The following MTMR12 variants were observed in gnomAD, a reference collection of about 807,000 sequenced individuals.
MTMR12 encodes the protein myotubularin-related protein 12.
A neutral mutation model predicts 96.7 loss-of-function variants in MTMR12; 33 were observed. The observed-to-expected ratio is 0.34, with a 90% CI of 0.26 to 0.46. MTMR12 has a LOEUF of 0.46. MTMR12 is among the 20% of genes least tolerant of loss of function. The pLI, the probability that MTMR12 is intolerant of heterozygous loss-of-function variation, is 1.00. For missense variants in MTMR12, 721 were observed against 896.1 expected (o/e 0.80, Z 2.49); for synonymous variants, 298 against 327.2 (o/e 0.91, Z 0.96).
chr5:32,282,059 G>T (rs1411202664), intron 1 of MTMR12, among the ~76,000 whole-genome samples: 1 of 152,014 alleles, frequency 6.6e-6, no homozygotes, highest in Non-Finnish European at 1.5e-5. Context: ...TGGAGCACTG[G>T]AATTTAAGGT....
intron 7 of MTMR12, among the ~76,000 whole-genome samples, chr5:32,258,008 T>TC (rs2112045524): frequency 6.6e-6 from 1 of 151,916 alleles, no homozygotes; most frequent in South Asian, 2.1e-4. Context: ...GCACCTATGG[T>TC]CCCAGCTACT....
intron 12 of MTMR12, among the ~76,000 whole-genome samples, chr5:32,239,457 T>C (rs76846923): frequency 0.018 from 2,701 of 152,308 alleles, 43 homozygotes; most frequent in East Asian, 0.071. Context: ...GCAAAGCTAC[T>C]TTCAGCTTGT....
At chr5:32,278,955 A>C (rs975432656) in intron 1 of MTMR12, among the ~76,000 whole-genome samples, 1 of 151,862 alleles carries the variant, frequency 6.6e-6, no homozygotes, top group African/African-American at 2.4e-5. Context: ...GCATGCCTGT[A>C]ATCCCAGCTA....
intron 1 of MTMR12, among the ~76,000 whole-genome samples, chr5:32,282,433 A>G (rs1490770440): frequency 6.8e-6 from 1 of 147,438 alleles, no homozygotes; most frequent in African/African-American, 2.5e-5. Context: ...ATAAATAAAT[A>G]AATAAATAAA....
rs144490542 is a variant in MTMR12 at position 32,247,639 on chromosome 5, C to T, written c.1021+363G>A. The T allele has an allele frequency of 1.8e-4, 137 of 749,172 alleles. No homozygotes were observed. In the African/African-American group the frequency reaches 2.2e-3, roughly 12 times the overall value. 46.4% of individuals were successfully genotyped at this position (749,172 alleles called of 1,614,324 possible). On this transcript the variant is annotated intron_variant, in intron 10 of 15. Transcript: ENST00000382142. Reference sequence around the variant, plus strand: ...TTGGGAAAAAGTCTACAGAGGAAAACGAACATTATTCACTTTATAAATTAC... The same window carrying T: ...TTGGGAAAAAGTCTACAGAGGAAAATGAACATTATTCACTTTATAAATTAC...
At chr5:32,297,494 T>C (rs965117854) in intron 1 of MTMR12, among the ~76,000 whole-genome samples, 1 of 152,012 alleles carries the variant, frequency 6.6e-6, no homozygotes, top group Non-Finnish European at 1.5e-5. Context: ...ACTTATTCAC[T>C]TGGCCATTCT....
intron 1 of MTMR12, among the ~76,000 whole-genome samples, chr5:32,294,739 C>T (rs913309604): frequency 1.3e-5 from 2 of 152,154 alleles, no homozygotes; most frequent in Non-Finnish European, 2.9e-5. Flanking sequence ...CCTGACAAGA[C>T]AGTAAATTGT....
chr5:32,242,646 T>C lies in MTMR12; in HGVS notation c.1101-519A>G, dbSNP rs76304332. On this transcript the variant is annotated intron_variant, in intron 11 of 15. Transcript: ENST00000382142. ...GGGGGCCTTCACATCTGTTGTCTTC[T>C]GCTTGCAGACGTGTCCTCTCCTACC... is the stretch of plus-strand genomic sequence containing the variant. Among the ~76,000 whole-genome samples, 1,450 of 151,846 alleles carry C rather than the reference T, an allele frequency of 9.5e-3. 25 individuals carry two copies. Among genetic ancestry groups the C allele is most frequent in the African/African-American group, 0.034 (1,396 of 41,424 alleles).
chr5:32,285,357 CAA>C (rs35792337), intron 1 of MTMR12, among the ~76,000 whole-genome samples: 70 of 109,664 alleles, frequency 6.4e-4, no homozygotes, highest in East Asian at 1.8e-3. Context: ...GATTCCATTT[CAA>C]AAAAAAAAAA....
At position 32,235,029 on chromosome 5, in the gene MTMR12, T is replaced by C; in HGVS notation, c.1445A>G (p.Asp482Gly). The C allele has an allele frequency of 6.2e-7, 1 of 1,613,694 alleles. No individual in the cohort carries two copies. The highest frequency in any genetic ancestry group is 1.1e-5 in the South Asian group (1 of 91,062). Residue 482 changes from aspartate (D) to glycine (G), a missense_variant, in exon 14 of 16, where the codon GAT becomes GGT. Asp to Gly is a moderately conservative substitution (Grantham distance 94, BLOSUM62 -1). Transcript: ENST00000382142. ...FTETYLTVLSDSLYIPIFSTF... is the reference protein window; with the variant it reads ...FTETYLTVLSGSLYIPIFSTF... ...GCTAAAAATAGGTATATACAGGCTA[T>C]CTGACAAAACAGTCAGGTAAGTCTC...
chr5:32,249,913 G>C (rs565305584), intron 8 of MTMR12, among the ~76,000 whole-genome samples: 1 of 152,346 alleles, frequency 6.6e-6, no homozygotes, highest in South Asian at 2.1e-4. Context: ...AAGTGCTTGA[G>C]AGTGGCTAAG....
At chr5:32,254,581 A>G (rs1469796068) in intron 8 of MTMR12, among the ~76,000 whole-genome samples, 1 of 142,358 alleles carries the variant, frequency 7.0e-6, no homozygotes, top group Non-Finnish European at 1.5e-5. Flanking sequence ...TAGGCCAGGC[A>G]TGGTGGCTCT....
rs1288586664 is a variant in MTMR12 at position 32,312,882 on chromosome 5, G to A, written c.-44C>T. On this transcript the variant is annotated 5_prime_UTR_variant, in exon 1 of 16. Transcript: ENST00000382142. This position sits in a 1 kb window ranked among gnomAD's most constrained non-coding sequence, Gnocchi z 5.0. ...AGCGACGCGCGGACGCAGAGGCGGC[G>A]GCTCGGGCTCCAGCTGGGGCAGCAG... 6.7e-7 allele frequency: 1 copy of A among 1,494,538 alleles called. No individual in the cohort carries two copies. The highest frequency in any genetic ancestry group is 2.2e-5 in the Admixed American group (1 of 45,614). The allele number at this position is 1,494,538 out of a possible 1,614,324, so 92.6% of individuals were successfully genotyped here.
intron 1 of MTMR12, among the ~76,000 whole-genome samples, chr5:32,287,036 G>T (rs772961924): frequency 6.7e-4 from 102 of 152,270 alleles, no homozygotes; most frequent in Non-Finnish European, 1.2e-3. Flanking sequence ...AGGGTACAAT[G>T]GGAACACTTA....
chr5:32,228,615 A>T lies in MTMR12; in HGVS notation c.*1163T>A, dbSNP rs183291910. On this transcript the variant is annotated 3_prime_UTR_variant, in exon 16 of 16. Transcript: ENST00000382142. Reference sequence around the variant, plus strand: ...TGATATATATATATATATCATATATATGATATATATATATCACATATATAT... The same window carrying T: ...TGATATATATATATATATCATATATTTGATATATATATATCACATATATAT... The T allele has an allele frequency of 2.4e-3, 304 of 126,290 alleles. 5 individuals carry two copies. The highest frequency in any genetic ancestry group is 9.2e-3 in the African/African-American group (298 of 32,396). The allele number at this position is 126,290 out of a possible 1,614,324, so 7.8% of individuals were successfully genotyped here.
intron 12 of MTMR12, among the ~76,000 whole-genome samples, chr5:32,240,625 G>C (rs924690315): frequency 6.6e-6 from 1 of 152,106 alleles, no homozygotes; most frequent in African/African-American, 2.4e-5. Flanking sequence ...TTTGGAGACA[G>C]AGTCTCACTC....
At chr5:32,234,005 A>C in intron 14 of MTMR12, 71 bp from the exon 15 acceptor site, 1 of 1,562,808 alleles carries the variant, frequency 6.4e-7, no homozygotes, top group Admixed American at 1.8e-5. Flanking sequence ...ACTTCTGGAC[A>C]CAGGCACCAG....
rs1751660327 is a variant in MTMR12, at chr5:32,312,871, G to A, written c.-33C>T. Reference sequence around the variant, plus strand: ...CCCTGGGAAGCAGCGACGCGCGGACGCAGAGGCGGCGGCTCGGGCTCCAGC... The same window carrying A: ...CCCTGGGAAGCAGCGACGCGCGGACACAGAGGCGGCGGCTCGGGCTCCAGC... On this transcript the variant is annotated 5_prime_UTR_variant, in exon 1 of 16. Transcript: ENST00000382142. The surrounding 1 kb of genome is among the most constrained non-coding windows in gnomAD (Gnocchi z 5.0). 3 of 1,505,812 alleles carry A rather than the reference G, an allele frequency of 2.0e-6. No individual in the cohort carries two copies. The highest frequency in any genetic ancestry group is 2.8e-5 in the East Asian group (1 of 35,734). The allele number at this position is 1,505,812 out of a possible 1,614,324, so 93.3% of individuals were successfully genotyped here.
chr5:32,280,200 A>T (rs1434324740), intron 1 of MTMR12, among the ~76,000 whole-genome samples: 1 of 152,214 alleles, frequency 6.6e-6, no homozygotes, highest in African/African-American at 2.4e-5. Flanking sequence ...TGCCAGAAAG[A>T]TCTTGAAAAG....
Sources: allele counts gnomAD v4.1 joint callset (sites outside exome capture counted in the v4.1 genomes callset), GRCh38; gene constraint gnomAD v4.1.1; non-coding constraint Gnocchi (gnomAD v3.1); transcripts MANE v1.5; gene names NCBI Gene and HGNC (gene_info 2026-07-23, HGNC 2026-07-21).